The following HOOK3 variants were observed in gnomAD, a reference collection of about 807,000 sequenced individuals.
HOOK3 encodes protein Hook homolog 3.
Under a neutral mutation model 116.3 loss-of-function variants are expected in HOOK3, and 24 were observed. The ratio of observed to expected loss-of-function variants is 0.21; its 90% CI spans 0.15 to 0.29. The LOEUF (loss-of-function observed/expected upper bound fraction) is 0.29, where lower values mean the gene tolerates loss of function less well. Among genes scored for constraint, HOOK3 ranks in the 10% least tolerant of loss-of-function variants. The pLI is 1.00. For synonymous variants in HOOK3, 275 were observed against 283.0 expected (o/e 0.97, Z 0.28); for missense variants, 632 against 830.2 (o/e 0.76, Z 2.93).
At chr8:42,927,904 T>C (rs1807799540) in intron 3 of HOOK3, among the ~76,000 whole-genome samples, 1 of 152,120 alleles carries the variant, frequency 6.6e-6, no homozygotes, top group Admixed American at 6.5e-5. Flanking sequence ...CCCAGCACTT[T>C]GGGAGGTCAA....
At chr8:42,989,923 C>CT (rs1188126533) in intron 15 of HOOK3, among the ~76,000 whole-genome samples, 1 of 152,164 alleles carries the variant, frequency 6.6e-6, no homozygotes, top group South Asian at 2.1e-4. Context: ...GGATTTCATT[C>CT]TTTTTTATGG....
At chr8:42,996,487 T>C (rs180997879) in intron 15 of HOOK3, among the ~76,000 whole-genome samples, 1 of 152,288 alleles carries the variant, frequency 6.6e-6, no homozygotes, top group Admixed American at 6.5e-5. Flanking sequence ...TCAGCCTGAC[T>C]TGAGGCTTGC....
At chr8:42,925,679 A>AT in intron 3 of HOOK3, 50 bp downstream of exon 3, 2 of 1,246,424 alleles carry the variant, frequency 1.6e-6, no homozygotes, top group Non-Finnish European at 2.3e-6. Flanking sequence ...TATGTGTATA[A>AT]TATCTGTTGA....
chr8:42,897,336 AG>A, intron 1 of HOOK3, 148 bp downstream of exon 1: 1 of 451,624 alleles, frequency 2.2e-6, no homozygotes, highest in Middle Eastern at 6.0e-4. Flanking sequence ...GGCTCGGCCC[AG>A]GGTCCGAGAG....
At position 42,957,073 on chromosome 8, in the gene HOOK3, T is replaced by C. The variant is rs971943177; in HGVS notation, c.469-21T>C. On this transcript the variant is annotated intron_variant, in intron 6 of 21. Transcript: ENST00000307602. The stretch of plus-strand genomic sequence containing the variant: ...TGTCTTTTTTGCCTCATAGTTATAA[T>C]CATTTAAATCTTGATTTCAGCTGAT... 5 of 1,498,428 alleles carry C rather than the reference T, an allele frequency of 3.3e-6. No individual in the cohort carries two copies. In the African/African-American group the frequency reaches 5.5e-5, roughly 17 times the overall value. 92.8% of individuals were successfully genotyped at this position (1,498,428 alleles called of 1,614,324 possible).
chr8:43,021,240 C>G lies in HOOK3; in HGVS notation c.*2742C>G, dbSNP rs1193712136. The G allele has an allele frequency of 4.9e-6, 1 of 206,078 alleles. No homozygotes were observed. The highest frequency in any genetic ancestry group is 9.9e-6 in the Non-Finnish European group (1 of 101,122). 12.8% of individuals were successfully genotyped at this position (206,078 alleles called of 1,614,324 possible). A position where few individuals can be genotyped will look rare whatever the true frequency, so the allele number is the denominator to read the frequency against. ...TCCTAATCTCCTACCCATCCACCTA[C>G]CCAGATATTTTTTCTCTATCTGGGT... On this transcript the variant is annotated 3_prime_UTR_variant, in exon 22 of 22. Transcript: ENST00000307602.
At chr8:42,923,320 G>C (rs117719184) in intron 2 of HOOK3, among the ~76,000 whole-genome samples, 1 of 152,140 alleles carries the variant, frequency 6.6e-6, no homozygotes, top group East Asian at 1.9e-4. Flanking sequence ...TCACCCCTAG[G>C]CATATACCCA....
chr8:42,954,097 A>G (rs931506617), intron 6 of HOOK3, among the ~76,000 whole-genome samples: 1 of 152,212 alleles, frequency 6.6e-6, no homozygotes, highest in East Asian at 1.9e-4. Context: ...AAAATATTTA[A>G]TGACATAAGG....
At chr8:42,927,199 C>T (rs1047227444) in intron 3 of HOOK3, among the ~76,000 whole-genome samples, 5 of 149,434 alleles carry the variant, frequency 3.3e-5, no homozygotes, top group African/African-American at 1.2e-4. Flanking sequence ...AAATCTAATT[C>T]CTTCTTTTTA....
At chr8:42,965,296 G>C (rs537338285) in intron 9 of HOOK3, among the ~76,000 whole-genome samples, 1 of 152,176 alleles carries the variant, frequency 6.6e-6, no homozygotes, top group Admixed American at 6.5e-5. Context: ...TTAAAAGACA[G>C]ATGCATTTAT....
intron 3 of HOOK3, among the ~76,000 whole-genome samples, chr8:42,928,070 A>G (rs1379333121): frequency 6.6e-6 from 1 of 152,182 alleles, no homozygotes; most frequent in Non-Finnish European, 1.5e-5. Context: ...ATCATAGGTC[A>G]AGAGATCGAG....
At position 42,967,026 on chromosome 8, in the gene HOOK3, AT is replaced by A. The variant is rs1301802017; in HGVS notation, c.920+419del. ...GAGGTGCCTCACTCCCTGTCACCTCATTTTTTCACCCCTCTGCTTGTACAGT... is the reference window on the plus strand; with the variant it reads ...GAGGTGCCTCACTCCCTGTCACCTCATTTTTCACCCCTCTGCTTGTACAGT... On this transcript the variant is annotated intron_variant, in intron 10 of 21. Transcript: ENST00000307602. Among the ~76,000 whole-genome samples, 6 of 151,638 alleles carry A rather than the reference AT, an allele frequency of 4.0e-5. No individual in the cohort carries two copies. In the East Asian group the frequency reaches 1.2e-3, roughly 30 times the overall value.
chr8:42,982,600 C>T (rs1012422348), intron 13 of HOOK3, 27 bp from the exon 14 acceptor site: 1 of 1,507,124 alleles, frequency 6.6e-7, no homozygotes, highest in African/African-American at 1.4e-5. Context: ...TTCCATTAGC[C>T]TTATATTTAT....
chr8:43,018,335 C>CT (rs1554516884), intron 21 of HOOK3, 23 bp from the exon 22 acceptor site: 4 of 1,542,712 alleles, frequency 2.6e-6, no homozygotes, highest in Admixed American at 2.2e-5. Context: ...TCATTGATTC[C>CT]TTTTTTTGTT....
chr8:42,941,538 AAAG>A (rs1355821260), intron 4 of HOOK3, among the ~76,000 whole-genome samples: 1 of 151,128 alleles, frequency 6.6e-6, no homozygotes, highest in Non-Finnish European at 1.5e-5. Flanking sequence ...AAAAAAAAAA[AAAG>A]AGGCATGAGC....
intron 4 of HOOK3, among the ~76,000 whole-genome samples, chr8:42,940,266 G>A (rs191660164): frequency 1.2e-3 from 190 of 152,366 alleles, no homozygotes; most frequent in African/African-American, 4.2e-3. Context: ...GATCACTCGC[G>A]GCTAGGAGCT....
chr8:42,957,223 G>A, intron 7 of HOOK3, 67 bp downstream of exon 7: 1 of 873,206 alleles, frequency 1.1e-6, no homozygotes, highest in East Asian at 2.7e-5. Context: ...ATGTTAATGA[G>A]AAGAATGGGT....
intron 21 of HOOK3, among the ~76,000 whole-genome samples, chr8:43,014,872 C>T (rs898315986): frequency 1.3e-5 from 2 of 152,090 alleles, no homozygotes; most frequent in Admixed American, 6.6e-5. Context: ...TGGCTCGGTG[C>T]GGTGGCTAAT....
chr8:42,965,855 C>T (rs1372994295), intron 9 of HOOK3, among the ~76,000 whole-genome samples: 3 of 151,992 alleles, frequency 2.0e-5, no homozygotes, highest in South Asian at 2.1e-4. Flanking sequence ...AAAGAATGGT[C>T]GAGGCTCCTG....
Sources: allele counts gnomAD v4.1 joint callset (sites outside exome capture counted in the v4.1 genomes callset), GRCh38; gene constraint gnomAD v4.1.1; transcripts MANE v1.5; gene names NCBI Gene and HGNC (gene_info 2026-07-23, HGNC 2026-07-21).